The following GRM7 variants were observed in gnomAD, a reference collection of about 807,000 sequenced individuals.
The protein encoded by GRM7 is glutamate metabotropic receptor 7.
GRM7 carries 35 observed loss-of-function variants against 84.5 expected under a neutral mutation model. That is an observed-to-expected ratio of 0.41 (90% CI 0.32 to 0.55). The LOEUF is 0.55. Ranked by LOEUF, GRM7 falls within the 20% of genes least tolerant of loss-of-function variation. GRM7 has a pLI of 0.19. For synonymous variants in GRM7, 487 were observed against 455.1 expected (o/e 1.07, Z -0.89); for missense variants, 1,003 against 1,194.6 (o/e 0.84, Z 2.36).
chr3:6,866,516 A>G (rs1694943325), intron 1 of GRM7, among the ~76,000 whole-genome samples: 1 of 152,174 alleles, frequency 6.6e-6, no homozygotes, highest in Non-Finnish European at 1.5e-5. Flanking sequence ...TTACTAGTCA[A>G]GTTAATTTCC....
intron 9 of GRM7, among the ~76,000 whole-genome samples, chr3:7,699,580 A>C (rs1051988548): frequency 6.6e-6 from 1 of 152,174 alleles, no homozygotes; most frequent in Admixed American, 6.5e-5. Context: ...CACTGATCTA[A>C]TCATAAAATT....
chr3:7,025,081 C>G (rs902706250), intron 1 of GRM7, among the ~76,000 whole-genome samples: 1 of 152,156 alleles, frequency 6.6e-6, no homozygotes, highest in Admixed American at 6.5e-5. Context: ...CTCTGTTTGT[C>G]ATCAAAACCA....
chr3:7,517,230 GTAT>G (rs1246827299), intron 7 of GRM7, among the ~76,000 whole-genome samples: 1 of 152,040 alleles, frequency 6.6e-6, no homozygotes, highest in East Asian at 1.9e-4. Context: ...CATTTATTTT[GTAT>G]TAATTTCTTA....
chr3:7,006,821 A>G (rs1321510494), intron 1 of GRM7, among the ~76,000 whole-genome samples: 2 of 152,220 alleles, frequency 1.3e-5, no homozygotes, highest in Non-Finnish European at 2.9e-5. Flanking sequence ...AGTTAAATAA[A>G]TCTTGCTGAG....
chr3:7,564,971 C>T (rs1250596701), intron 7 of GRM7, among the ~76,000 whole-genome samples: 1 of 152,190 alleles, frequency 6.6e-6, no homozygotes, highest in East Asian at 1.9e-4. Flanking sequence ...ACTTGTTTTT[C>T]TCCCGTCTCA....
rs185287360 is a variant in GRM7 at position 7,712,088 on chromosome 3, C to T, written c.2699-28269C>T. Among the ~76,000 whole-genome samples the T allele has an allele frequency of 2.0e-3, 312 of 152,282 alleles. 1 individual carries two copies. The highest frequency in any genetic ancestry group is 7.0e-3 in the African/African-American group (289 of 41,566). On this transcript the variant is annotated intron_variant, in intron 9 of 9. Coordinates refer to ENST00000357716, the MANE Select transcript of GRM7 (RefSeq NM_000844.4). ...TCCAGGAGAAACTCAATCTCCTTAGCGGGGCATGCCTTCCTGTTCCCCGTG... is the reference window on the plus strand; with the variant it reads ...TCCAGGAGAAACTCAATCTCCTTAGTGGGGCATGCCTTCCTGTTCCCCGTG...
intron 7 of GRM7, among the ~76,000 whole-genome samples, chr3:7,485,553 T>G (rs1430336009): frequency 6.6e-6 from 1 of 152,202 alleles, no homozygotes; most frequent in African/African-American, 2.4e-5. Flanking sequence ...TGAAATAAGT[T>G]GGAAAAATTA....
At chr3:7,529,916 T>TC (rs906599849) in intron 7 of GRM7, among the ~76,000 whole-genome samples, 9 of 151,436 alleles carry the variant, frequency 5.9e-5, no homozygotes, top group Non-Finnish European at 1.0e-4. Context: ...CCTTTTCTTT[T>TC]TTTTTTTTTT....
intron 5 of GRM7, among the ~76,000 whole-genome samples, chr3:7,435,741 G>T (rs1697024116): frequency 7.0e-6 from 1 of 142,094 alleles, no homozygotes; most frequent in Non-Finnish European, 1.5e-5. Flanking sequence ...AGGCTGGAGT[G>T]CAGTGGCACG....
intron 1 of GRM7, among the ~76,000 whole-genome samples, chr3:7,071,235 A>T (rs1321195254): frequency 6.6e-6 from 1 of 152,092 alleles, no homozygotes; most frequent in African/African-American, 2.4e-5. Flanking sequence ...GGAGTAGACT[A>T]TTTCAGTCTT....
In GRM7 at chr3:7,490,940, GA is replaced by G. The variant is rs561381756; in HGVS notation, c.1515+29225del. On this transcript the variant is annotated intron_variant, in intron 7 of 9. Coordinates refer to ENST00000357716, the MANE Select transcript of GRM7 (RefSeq NM_000844.4). Reference sequence around the variant, plus strand: ...ATAATCTAAAACAAAAGAAAAACAAGAAAAAAATTGTATTATCTAAAATAGA... The same window carrying G: ...ATAATCTAAAACAAAAGAAAAACAAGAAAAAATTGTATTATCTAAAATAGA... Among the ~76,000 whole-genome samples, 249 of 151,322 alleles carry G rather than the reference GA, an allele frequency of 1.6e-3. 1 individual carries two copies. The highest frequency in any genetic ancestry group is 2.4e-3 in the Non-Finnish European group (165 of 67,766).
intron 2 of GRM7, among the ~76,000 whole-genome samples, chr3:7,253,927 A>T (rs1698104356): frequency 6.6e-6 from 1 of 152,172 alleles, no homozygotes; most frequent in Non-Finnish European, 1.5e-5. Context: ...AGTGCTGCCG[A>T]GTGTAAGGAG....
rs116353715 is a variant in GRM7, at chr3:7,654,583, A to C, written c.2452-25466A>C. ...TGTTTCCAGTCCAGTGAAGAGCTTA[A>C]GACATAGGCTTTGGAACTAGGAAGC... On this transcript the variant is annotated intron_variant, in intron 8 of 9. Transcript: ENST00000357716. 6.2e-3 allele frequency among the ~76,000 whole-genome samples: 940 copies of C among 152,306 alleles called. 3 individuals are homozygous for C. The highest frequency in any genetic ancestry group is 0.011 in the Non-Finnish European group (744 of 68,020).
chr3:7,457,692 C>G (rs1698075323), intron 6 of GRM7, among the ~76,000 whole-genome samples: 2 of 152,134 alleles, frequency 1.3e-5, no homozygotes, highest in African/African-American at 4.8e-5. Flanking sequence ...GGAAGTAGCA[C>G]TGTGACTTCT....
chr3:7,094,690 A>G (rs1216630003), intron 1 of GRM7, among the ~76,000 whole-genome samples: 1 of 152,148 alleles, frequency 6.6e-6, no homozygotes, highest in African/African-American at 2.4e-5. Context: ...TGGCTTTGCT[A>G]CCCCTTAGTT....
intron 4 of GRM7, among the ~76,000 whole-genome samples, chr3:7,387,878 G>A (rs1027657164): frequency 6.6e-6 from 1 of 152,072 alleles, no homozygotes; most frequent in African/African-American, 2.4e-5. Context: ...ATTGCTTTGG[G>A]CAGTTAGGAG....
chr3:7,682,539 T>TAC (rs35042061), intron 9 of GRM7, among the ~76,000 whole-genome samples: 7,613 of 117,802 alleles, frequency 0.065, 338 homozygotes, highest in African/African-American at 0.18. Flanking sequence ...TTTATTTTTG[T>TAC]ACACACACAC....
intron 1 of GRM7, among the ~76,000 whole-genome samples, chr3:6,927,367 G>T (rs1015555328): frequency 1.3e-5 from 2 of 151,974 alleles, no homozygotes; most frequent in African/African-American, 4.8e-5. Flanking sequence ...GGCAGAAGTT[G>T]CAGTGAGCCG....
chr3:7,103,854 C>CTCTCTCTT (rs1699209352), intron 1 of GRM7, among the ~76,000 whole-genome samples: 1 of 123,582 alleles, frequency 8.1e-6, no homozygotes, highest in African/African-American at 3.6e-5. Flanking sequence ...CTCTCTCTCT[C>CTCTCTCTT]TCTTTCTTTC....
Sources: gnomAD v4.1 joint callset for allele counts (sites outside exome capture counted in the v4.1 genomes callset) on GRCh38, gnomAD v4.1.1 for gene constraint, MANE v1.5 for transcripts, NCBI Gene and HGNC (gene_info 2026-07-23, HGNC 2026-07-21) for gene names.